SLC35F1: variants seen among roughly 807,000 people sequenced by gnomAD.
SLC35F1 encodes the protein solute carrier family 35 member F1, also known as chromosome 6 open reading frame 169.
In SLC35F1, 14 loss-of-function variants were observed where a neutral mutation model predicts 48.7. The observed-to-expected ratio is 0.29, with a 90% confidence interval of 0.19 to 0.45. The LOEUF is 0.45. SLC35F1 is among the 20% of genes least tolerant of loss of function. The pLI is 1.00. For missense variants in SLC35F1, 404 were observed against 500.0 expected, an observed-to-expected ratio of 0.81 and a Z score of 1.83; for synonymous variants, 190 against 202.2, an observed-to-expected ratio of 0.94 and a Z score of 0.51.
chr6:118,003,911 G>A (rs1490386057), intron 1 of SLC35F1, among the ~76,000 whole-genome samples: 1 of 152,120 alleles, frequency 6.6e-6, no homozygotes, highest in Admixed American at 6.5e-5. Flanking sequence ...TTCAGAACTG[G>A]TTCAGTCTCA....
At chr6:118,248,486 G>A (rs1191786036) in intron 3 of SLC35F1, among the ~76,000 whole-genome samples, 1 of 152,208 alleles carries the variant, frequency 6.6e-6, no homozygotes, top group Non-Finnish European at 1.5e-5. Flanking sequence ...AGGAGTCAGA[G>A]TAGAGGGAGA....
At chr6:118,273,605 G>C (rs1274876705) in intron 4 of SLC35F1, among the ~76,000 whole-genome samples, 1 of 152,148 alleles carries the variant, frequency 6.6e-6, no homozygotes, top group Non-Finnish European at 1.5e-5. Flanking sequence ...TTAAAAGTTT[G>C]TCATTGTTTT....
At chr6:118,221,962 C>G (rs1775157024) in intron 2 of SLC35F1, among the ~76,000 whole-genome samples, 1 of 72,158 alleles carries the variant, frequency 1.4e-5, no homozygotes, top group South Asian at 5.2e-4. Flanking sequence ...TATATGTATA[C>G]AATTTTTTTA....
In SLC35F1 at chr6:118,154,581, C is replaced by A; in HGVS notation, c.310C>A (p.Leu104Ile). 6.2e-7 allele frequency: 1 copy of A among 1,613,988 alleles called. No individual in the cohort carries two copies. Among genetic ancestry groups the A allele is most frequent in the Non-Finnish European group, 8.5e-7 (1 of 1,179,930 alleles). ...CCAGAGTTTCCTCAATTACATTCTT[C>A]TCTTCTTGGTCTATACCACCACACT... Reference protein sequence around the residue: ...VFQSFLNYILLFLVYTTTLAV... With the variant: ...VFQSFLNYILIFLVYTTTLAV... Residue 104 changes from leucine to isoleucine, a missense_variant, in exon 2 of 8, where the codon CTC becomes ATC. Physicochemically the swap from Leu to Ile is conservative, Grantham distance 5. This residue lies in a region of SLC35F1 where 306 missense variants were observed against 419.1 expected (regional missense o/e 0.73). Transcript: ENST00000360388.
chr6:118,299,116 G>A (rs1322333723), intron 7 of SLC35F1, among the ~76,000 whole-genome samples: 1 of 152,136 alleles, frequency 6.6e-6, no homozygotes, highest in African/African-American at 2.4e-5. Flanking sequence ...GGGGGGTCGA[G>A]GCTGCAGTGA....
At chr6:118,225,790 G>C (rs905990566) in intron 2 of SLC35F1, among the ~76,000 whole-genome samples, 4 of 151,446 alleles carry the variant, frequency 2.6e-5, no homozygotes, top group African/African-American at 9.7e-5. Context: ...GCAGGAGAAT[G>C]GCATGAACCC....
chr6:118,240,644 A>G (rs994586648), intron 3 of SLC35F1, among the ~76,000 whole-genome samples: 1 of 152,240 alleles, frequency 6.6e-6, no homozygotes, highest in African/African-American at 2.4e-5. Context: ...GAAGGAAATC[A>G]ACACAGTTCT....
intron 1 of SLC35F1, among the ~76,000 whole-genome samples, chr6:118,066,496 G>A (rs1273539921): frequency 6.6e-6 from 1 of 152,134 alleles, no homozygotes; most frequent in Non-Finnish European, 1.5e-5. Flanking sequence ...TCCTTCCCTA[G>A]TTGAGCCTCC....
intron 2 of SLC35F1, among the ~76,000 whole-genome samples, chr6:118,165,824 T>C (rs977006023): frequency 4.6e-5 from 7 of 152,200 alleles, no homozygotes; most frequent in African/African-American, 1.7e-4. Context: ...ATAGATACTT[T>C]GGAAGACCCT....
chr6:118,100,126 C>G (rs1055703283), intron 1 of SLC35F1, among the ~76,000 whole-genome samples: 4 of 152,122 alleles, frequency 2.6e-5, no homozygotes, highest in African/African-American at 7.2e-5. Context: ...ATAACTTGCT[C>G]TAGGTCACAT....
At position 117,923,672 on chromosome 6, in the gene SLC35F1, T is replaced by C. The variant is rs1582564406; in HGVS notation, c.173+15773T>C. Reference sequence around the variant, plus strand: ...ATATGTACATATGTATATATACATATATGTACATATATACATATGTACATA... The same window carrying C: ...ATATGTACATATGTATATATACATACATGTACATATATACATATGTACATA... On this transcript the variant is annotated intron_variant, in intron 1 of 7. Coordinates refer to ENST00000360388, the MANE Select transcript of SLC35F1 (RefSeq NM_001029858.4). Among the ~76,000 whole-genome samples the C allele has an allele frequency of 2.7e-5, 2 of 74,692 alleles. 1 individual carries two copies. Among genetic ancestry groups the C allele is most frequent in the African/African-American group, 1.1e-4 (2 of 18,736 alleles). The allele number at this position is 74,692 out of a possible 152,430, so 49.0% of individuals were successfully genotyped here. A position where few individuals can be genotyped will look rare whatever the true frequency, so the allele number is the denominator to read the frequency against.
At chr6:118,212,781 AGG>A (rs1775022483) in intron 2 of SLC35F1, among the ~76,000 whole-genome samples, 1 of 149,492 alleles carries the variant, frequency 6.7e-6, no homozygotes, top group South Asian at 2.2e-4. Context: ...GAAGGAAGGA[AGG>A]AAGGAAGGAA....
intron 2 of SLC35F1, among the ~76,000 whole-genome samples, chr6:118,201,511 C>G (rs1181583143): frequency 6.6e-6 from 1 of 152,150 alleles, no homozygotes; most frequent in Non-Finnish European, 1.5e-5. Context: ...CATCATTTAG[C>G]CCTGAGCCTG....
At chr6:118,143,367 T>A (rs1449234889) in intron 1 of SLC35F1, among the ~76,000 whole-genome samples, 1 of 152,174 alleles carries the variant, frequency 6.6e-6, no homozygotes, top group Non-Finnish European at 1.5e-5. Context: ...GCAAAAGTAA[T>A]CCTTAAAAGG....
At chr6:118,259,539 A>G (rs1775686484) in intron 3 of SLC35F1, among the ~76,000 whole-genome samples, 1 of 152,088 alleles carries the variant, frequency 6.6e-6, no homozygotes, top group African/African-American at 2.4e-5. Context: ...ATTGACAAAT[A>G]CCTCATTTAA....
At chr6:118,038,747 G>A (rs1249504045) in intron 1 of SLC35F1, among the ~76,000 whole-genome samples, 2 of 151,974 alleles carry the variant, frequency 1.3e-5, no homozygotes, top group East Asian at 1.9e-4. Flanking sequence ...TCAGCCTCCT[G>A]AGCAGCTAAG....
chr6:118,174,568 A>G (rs1774458070), intron 2 of SLC35F1, among the ~76,000 whole-genome samples: 1 of 152,150 alleles, frequency 6.6e-6, no homozygotes, highest in Non-Finnish European at 1.5e-5. Flanking sequence ...ACAATATTAA[A>G]TGATCCAACA....
At chr6:118,186,249 A>G (rs1222490319) in intron 2 of SLC35F1, among the ~76,000 whole-genome samples, 2 of 152,080 alleles carry the variant, frequency 1.3e-5, no homozygotes. Flanking sequence ...GAACTCTAGG[A>G]GAGGAGTAAG....
At position 117,944,586 on chromosome 6, in the gene SLC35F1, T is replaced by TACACACAC. The variant is rs373551582; in HGVS notation, c.173+36692_173+36693insCACACACA. Among the ~76,000 whole-genome samples the TACACACAC allele has an allele frequency of 7.5e-3, 1,100 of 146,372 alleles. 15 individuals carry two copies. Among genetic ancestry groups the TACACACAC allele is most frequent in the East Asian group, 0.021 (108 of 5,032 alleles). On this transcript the variant is annotated intron_variant, in intron 1 of 7. Transcript: ENST00000360388. The stretch of plus-strand genomic sequence containing the variant: ...ATCCCCCTCTCCCAAAACACACACA[T>TACACACAC]ACACATACACACACACACACACACA...
Sources: gnomAD v4.1 joint callset for allele counts (sites outside exome capture counted in the v4.1 genomes callset) on GRCh38, gnomAD v4.1.1 for gene constraint, gnomAD v4.1.1 regional missense constraint, MANE v1.5 for transcripts, NCBI Gene and HGNC (gene_info 2026-07-23, HGNC 2026-07-21) for gene names.